The following ZNF423 variants were observed in gnomAD, a reference collection of about 807,000 sequenced individuals.
ZNF423 encodes the protein Ebf-associated zinc finger protein.
In ZNF423, 12 loss-of-function variants were observed where a neutral mutation model predicts 95.8. The ratio of observed to expected loss-of-function variants is 0.13; its 90% confidence interval spans 0.08 to 0.20. The LOEUF (loss-of-function observed/expected upper bound fraction) is 0.20. Ranked by LOEUF, ZNF423 falls within the 10% of genes least tolerant of loss-of-function variation. The pLI is 1.00. For synonymous variants in ZNF423, 749 were observed against 711.9 expected (o/e 1.05, Z -0.83); for missense variants, 1,316 against 1,737.1 (o/e 0.76, Z 4.31).
chr16:49,738,184 G>A (rs1021055561), intron 2 of ZNF423, among the ~76,000 whole-genome samples: 7 of 152,198 alleles, frequency 4.6e-5, no homozygotes, highest in Non-Finnish European at 5.9e-5. Context: ...TGCAACATAC[G>A]GGGTGCTCCC....
Position 49,679,741 on chromosome 16 carries a change from G to A in ZNF423, c.302-40867C>T, listed in dbSNP as rs139388590. On this transcript the variant is annotated intron_variant, in intron 3 of 7. Transcript: ENST00000563137. The stretch of plus-strand genomic sequence containing the variant: ...GACAGGCTCCTGAGCAGAAAGGGGC[G>A]GGTCCCCAGTGAAGCCCCACGTTCT... Among the ~76,000 whole-genome samples, 208 of 152,356 alleles carry A rather than the reference G, an allele frequency of 1.4e-3. 1 individual carries two copies. In the Middle Eastern group the frequency reaches 0.02, roughly 15 times the overall value.
chr16:49,652,888 T>C (rs1397270554), intron 3 of ZNF423, among the ~76,000 whole-genome samples: 4 of 152,182 alleles, frequency 2.6e-5, no homozygotes, highest in African/African-American at 7.2e-5. Flanking sequence ...ACAAGCTTGT[T>C]TCTACATTTT....
At chr16:49,617,766 A>C in intron 5 of ZNF423, among the ~76,000 whole-genome samples, 1 of 151,116 alleles carries the variant, frequency 6.6e-6, no homozygotes, top group South Asian at 2.1e-4. Context: ...ACTGCTGCCC[A>C]CCCCCATCTC....
chr16:49,509,322 C>T (rs1177167675), intron 7 of ZNF423, among the ~76,000 whole-genome samples: 1 of 152,158 alleles, frequency 6.6e-6, no homozygotes, highest in African/African-American at 2.4e-5. Flanking sequence ...CATATTGCAG[C>T]CACACAGTGA....
At chr16:49,515,864 G>A (rs1968115063) in intron 7 of ZNF423, among the ~76,000 whole-genome samples, 1 of 152,224 alleles carries the variant, frequency 6.6e-6, no homozygotes, top group African/African-American at 2.4e-5. Flanking sequence ...CCATGGGGAT[G>A]CAGAGACAGC....
At chr16:49,732,979 G>A (rs1351143113) in intron 2 of ZNF423, among the ~76,000 whole-genome samples, 1 of 152,180 alleles carries the variant, frequency 6.6e-6, no homozygotes, top group Admixed American at 6.5e-5. Context: ...ACAGTTTTTA[G>A]GTTCTTTTAT....
At chr16:49,584,464 G>A (rs574443758) in intron 5 of ZNF423, among the ~76,000 whole-genome samples, 11 of 152,278 alleles carry the variant, frequency 7.2e-5, no homozygotes, top group African/African-American at 2.2e-4. Flanking sequence ...CAGCCTCCCC[G>A]AGCCTCCTAG....
chr16:49,634,809 C>A (rs1321745336), intron 4 of ZNF423, among the ~76,000 whole-genome samples: 2 of 152,212 alleles, frequency 1.3e-5, no homozygotes, highest in Non-Finnish European at 2.9e-5. Flanking sequence ...TGCCCCTCAG[C>A]CCCTGTACCC....
chr16:49,585,000 C>T (rs551987992), intron 5 of ZNF423, among the ~76,000 whole-genome samples: 2 of 152,102 alleles, frequency 1.3e-5, no homozygotes, highest in Non-Finnish European at 2.9e-5. Flanking sequence ...GCTAAGTGCA[C>T]CAGGCTCCTC....
chr16:49,647,320 A>G (rs571545316), intron 3 of ZNF423, among the ~76,000 whole-genome samples: 1 of 152,250 alleles, frequency 6.6e-6, no homozygotes, highest in South Asian at 2.1e-4. Context: ...TGGCAGGTAA[A>G]GTAGCCTGCT....
At chr16:49,505,247 T>C (rs1967582525) in intron 7 of ZNF423, among the ~76,000 whole-genome samples, 1 of 151,942 alleles carries the variant, frequency 6.6e-6, no homozygotes, top group Non-Finnish European at 1.5e-5. Flanking sequence ...TACTGGAAAA[T>C]CTAGGTCACA....
At chr16:49,849,899 C>G (rs1255103423) in intron 1 of ZNF423, among the ~76,000 whole-genome samples, 1 of 152,180 alleles carries the variant, frequency 6.6e-6, no homozygotes, top group Non-Finnish European at 1.5e-5. Flanking sequence ...GCTGGGAGGC[C>G]GTCCCGCTGT....
intron 3 of ZNF423, among the ~76,000 whole-genome samples, chr16:49,688,583 G>T (rs1461236291): frequency 6.6e-6 from 1 of 152,208 alleles, no homozygotes; most frequent in Admixed American, 6.5e-5. Context: ...ATTTTATCAA[G>T]GAAGAAATGC....
chr16:49,835,898 G>A (rs184363239), intron 1 of ZNF423, among the ~76,000 whole-genome samples: 56 of 152,326 alleles, frequency 3.7e-4, no homozygotes, highest in African/African-American at 1.1e-3. Flanking sequence ...CTTAAGCCCC[G>A]GGGAAAATGC....
intron 2 of ZNF423, among the ~76,000 whole-genome samples, chr16:49,738,092 C>T (rs2033330910): frequency 6.6e-6 from 1 of 152,224 alleles, no homozygotes; most frequent in East Asian, 1.9e-4. Context: ...ATCACACGCA[C>T]TCACCCATTC....
intron 3 of ZNF423, among the ~76,000 whole-genome samples, chr16:49,688,511 G>A (rs528723919): frequency 3.9e-5 from 6 of 152,294 alleles, no homozygotes; most frequent in South Asian, 2.1e-4. Flanking sequence ...CTGGCAGCCC[G>A]GGCGGCTCCC....
intron 2 of ZNF423, among the ~76,000 whole-genome samples, chr16:49,777,102 T>C (rs975666714): frequency 2.0e-5 from 3 of 152,244 alleles, no homozygotes; most frequent in African/African-American, 7.2e-5. Context: ...TGTGTGTGCA[T>C]ACCTGTGTCT....
intron 3 of ZNF423, among the ~76,000 whole-genome samples, chr16:49,642,187 A>C (rs1351739440): frequency 6.6e-6 from 1 of 152,188 alleles, no homozygotes; most frequent in African/African-American, 2.4e-5. Flanking sequence ...CACAACAACC[A>C]TATCTGGCTG....
At chr16:49,612,298 G>GAT (rs199893426) in intron 5 of ZNF423, among the ~76,000 whole-genome samples, 43 of 150,406 alleles carry the variant, frequency 2.9e-4, no homozygotes, top group Admixed American at 1.1e-3. Flanking sequence ...GACCAAATGA[G>GAT]ATATATATAT....
Sources: allele counts gnomAD v4.1 joint callset (sites outside exome capture counted in the v4.1 genomes callset), GRCh38; gene constraint gnomAD v4.1.1; transcripts MANE v1.5; gene names NCBI Gene and HGNC (gene_info 2026-07-23, HGNC 2026-07-21).